GMDS: variants seen among roughly 807,000 people sequenced by gnomAD.
The protein encoded by GMDS is GDP-mannose 4,6 dehydratase.
A neutral mutation model predicts 49.9 loss-of-function variants in GMDS; 20 were observed. The observed-to-expected ratio is 0.40, with a 90% CI of 0.28 to 0.58. GMDS has a LOEUF of 0.58. GMDS is among the 20% of genes least tolerant of loss of function. The pLI is 0.42. For missense variants in GMDS, 362 were observed against 481.4 expected (o/e 0.75, Z 2.32); for synonymous variants, 177 against 178.6 (o/e 0.99, Z 0.07).
chr6:1,884,376 T>C (rs147175079), intron 7 of GMDS, among the ~76,000 whole-genome samples: 3 of 152,352 alleles, frequency 2.0e-5, no homozygotes, highest in African/African-American at 7.2e-5. Flanking sequence ...GGAAATGATG[T>C]AGCGTTAACC....
chr6:2,178,142 G>A (rs1160268251), intron 1 of GMDS, among the ~76,000 whole-genome samples: 3 of 152,174 alleles, frequency 2.0e-5, no homozygotes, highest in Non-Finnish European at 4.4e-5. Flanking sequence ...CTGGCGGGAG[G>A]GAAGAAGGAG....
intron 1 of GMDS, among the ~76,000 whole-genome samples, chr6:2,125,065 G>T (rs1046922019): frequency 1.3e-5 from 2 of 152,202 alleles, no homozygotes; most frequent in African/African-American, 4.8e-5. Flanking sequence ...TGTGAAACAT[G>T]CAGAATATGG....
chr6:1,648,012 G>A (rs926552267), intron 9 of GMDS, among the ~76,000 whole-genome samples: 1 of 152,160 alleles, frequency 6.6e-6, no homozygotes, highest in African/African-American at 2.4e-5. Flanking sequence ...GCTTCTCGAC[G>A]GTAAAGGAAC....
intron 9 of GMDS, among the ~76,000 whole-genome samples, chr6:1,658,821 C>T (rs1008268355): frequency 2.0e-5 from 3 of 152,194 alleles, no homozygotes; most frequent in African/African-American, 7.2e-5. Flanking sequence ...GCACTGTTGC[C>T]CCAGCCAAGC....
intron 9 of GMDS, among the ~76,000 whole-genome samples, chr6:1,638,968 T>C (rs1211094460): frequency 1.3e-5 from 2 of 152,168 alleles, no homozygotes; most frequent in Admixed American, 6.5e-5. Context: ...AATCTTCTTA[T>C]TCCATCCTGG....
chr6:2,146,012 T>C (rs776903891), intron 1 of GMDS, among the ~76,000 whole-genome samples: 2 of 152,216 alleles, frequency 1.3e-5, no homozygotes, highest in African/African-American at 2.4e-5. Context: ...AGGTATGTCA[T>C]AGAAGACAAA....
At chr6:1,982,772 A>G (rs929927085) in intron 4 of GMDS, among the ~76,000 whole-genome samples, 8 of 152,352 alleles carry the variant, frequency 5.3e-5, no homozygotes, top group Admixed American at 1.3e-4. Context: ...GGATAGGAAG[A>G]ATCAATATCA....
At chr6:1,795,696 G>A (rs1391555325) in intron 7 of GMDS, among the ~76,000 whole-genome samples, 1 of 152,066 alleles carries the variant, frequency 6.6e-6, no homozygotes, top group African/African-American at 2.4e-5. Flanking sequence ...ATGCTTCAAT[G>A]GTATAATAAG....
intron 9 of GMDS, among the ~76,000 whole-genome samples, chr6:1,706,410 A>C (rs1245889645): frequency 6.6e-6 from 1 of 152,232 alleles, no homozygotes; most frequent in Non-Finnish European, 1.5e-5. Context: ...TGTTCTGCCC[A>C]TGTGTTCTAA....
At chr6:2,175,982 C>T (rs1778265878) in intron 1 of GMDS, 7 of 1,534,070 alleles carry the variant, frequency 4.6e-6, no homozygotes, top group Non-Finnish European at 6.1e-6. Context: ...CAACAAACTG[C>T]CTGTGTACAA....
At chr6:2,125,782 T>C (rs145628177) in intron 1 of GMDS, among the ~76,000 whole-genome samples, 279 of 152,336 alleles carry the variant, frequency 1.8e-3, no homozygotes, top group Middle Eastern at 0.014. Flanking sequence ...AGCTGGCTGC[T>C]AACCCTAAAG....
chr6:1,794,629 C>A (rs762625051), intron 7 of GMDS, among the ~76,000 whole-genome samples: 4 of 152,172 alleles, frequency 2.6e-5, no homozygotes, highest in Admixed American at 6.5e-5. Flanking sequence ...GATTAAATAT[C>A]ATTTTCAAAA....
At chr6:2,213,678 A>C (rs1213937907) in intron 1 of GMDS, among the ~76,000 whole-genome samples, 5 of 152,150 alleles carry the variant, frequency 3.3e-5, no homozygotes. Context: ...AACCCACATA[A>C]GGAGAATACC....
intron 4 of GMDS, among the ~76,000 whole-genome samples, chr6:1,988,053 T>C (rs1369747917): frequency 2.6e-5 from 4 of 152,180 alleles, no homozygotes; most frequent in Admixed American, 6.5e-5. Flanking sequence ...CATACATGCA[T>C]ATGCACAGCC....
At position 1,778,367 on chromosome 6, in the gene GMDS, T is replaced by C. The variant is rs1461992004; in HGVS notation, c.772-35781A>G. 1.3e-5 allele frequency among the ~76,000 whole-genome samples: 2 copies of C among 152,164 alleles called. No homozygotes were observed. Among genetic ancestry groups the C allele is most frequent in the East Asian group, 1.9e-4 (1 of 5,192 alleles). On this transcript the variant is annotated intron_variant, in intron 7 of 10. Transcript: ENST00000380815. The surrounding 1 kb of genome is among the most constrained non-coding windows in gnomAD (Gnocchi z 4.6). ...GAATACTGATTGAAGTCAATTATTA[T>C]AACACCTGAAAGATAAATGAGCTGA...
At chr6:1,721,942 A>C (rs2113425488) in intron 9 of GMDS, among the ~76,000 whole-genome samples, 1 of 151,674 alleles carries the variant, frequency 6.6e-6, no homozygotes, top group South Asian at 2.1e-4. Flanking sequence ...GCTTAGTAAT[A>C]CTCACTAGAA....
chr6:1,948,665 T>TAA (rs928818857), intron 6 of GMDS, among the ~76,000 whole-genome samples: 5 of 149,724 alleles, frequency 3.3e-5, no homozygotes, highest in Non-Finnish European at 7.4e-5. Flanking sequence ...GTGTCTCTAT[T>TAA]AAAAAAAAAA....
chr6:2,201,214 G>A (rs1339670769), intron 1 of GMDS, among the ~76,000 whole-genome samples: 1 of 112,340 alleles, frequency 8.9e-6, no homozygotes, highest in Non-Finnish European at 1.8e-5. Flanking sequence ...GCACCACATG[G>A]ACATCCGAGA....
At chr6:1,955,254 A>C (rs1430705989) in intron 6 of GMDS, among the ~76,000 whole-genome samples, 2 of 152,178 alleles carry the variant, frequency 1.3e-5, no homozygotes, top group African/African-American at 4.8e-5. Context: ...TTTAATTATA[A>C]TACAGTATGA....
Sources: allele counts gnomAD v4.1 joint callset (sites outside exome capture counted in the v4.1 genomes callset), GRCh38; gene constraint gnomAD v4.1.1; non-coding constraint Gnocchi (gnomAD v3.1); transcripts MANE v1.5; gene names NCBI Gene and HGNC (gene_info 2026-07-23, HGNC 2026-07-21).